The following PLCB1 variants were observed in gnomAD, a reference collection of about 807,000 sequenced individuals.
The protein encoded by PLCB1 is phospholipase C beta 1, also known as 1-phosphatidylinositol 4,5-bisphosphate phosphodiesterase beta-1.
PLCB1 carries 46 observed loss-of-function variants against 161.8 expected under a neutral mutation model. The ratio of observed to expected loss-of-function variants is 0.28; its 90% CI spans 0.22 to 0.36. The LOEUF (loss-of-function observed/expected upper bound fraction) is 0.36. Ranked by LOEUF, PLCB1 falls within the 10% of genes least tolerant of loss-of-function variation. PLCB1 has a pLI of 1.00. For missense variants in PLCB1, 1,016 were observed against 1,472.5 expected (o/e 0.69, Z 5.07); for synonymous variants, 517 against 503.7 (o/e 1.03, Z -0.35).
chr20:8,385,337 G>C (rs923780792), intron 3 of PLCB1, among the ~76,000 whole-genome samples: 2 of 152,200 alleles, frequency 1.3e-5, no homozygotes, highest in Non-Finnish European at 2.9e-5. Context: ...GTTGGGCTGT[G>C]GGGGAACCTC....
chr20:8,330,537 T>TTTTCACACCCAGCATTTTCACACCCAG (rs1192788774), intron 2 of PLCB1, among the ~76,000 whole-genome samples: 1 of 152,172 alleles, frequency 6.6e-6, no homozygotes, highest in African/African-American at 2.4e-5. Context: ...AGACGAGTGT[T>TTTTCACACCCAGCATTTTCACACCCAG]CATTTTTCAC....
chr20:8,139,887 T>C (rs770969041), intron 1 of PLCB1, among the ~76,000 whole-genome samples: 11 of 152,188 alleles, frequency 7.2e-5, no homozygotes, highest in Non-Finnish European at 1.2e-4. Context: ...TTGACGAACA[T>C]TCTTCTTGAA....
At chr20:8,823,997 A>G (rs1400455250) in intron 31 of PLCB1, among the ~76,000 whole-genome samples, 3 of 151,974 alleles carry the variant, frequency 2.0e-5, no homozygotes, top group South Asian at 4.2e-4. Flanking sequence ...GACACCCACT[A>G]TACTTCTCTC....
chr20:8,317,272 C>T (rs538033952), intron 2 of PLCB1, among the ~76,000 whole-genome samples: 65 of 152,120 alleles, frequency 4.3e-4, no homozygotes, highest in Non-Finnish European at 6.6e-4. Flanking sequence ...CATCAGATTC[C>T]CTTGGAGGGC....
intron 3 of PLCB1, among the ~76,000 whole-genome samples, chr20:8,444,350 C>T (rs951982634): frequency 6.6e-6 from 1 of 152,190 alleles, no homozygotes; most frequent in African/African-American, 2.4e-5. Context: ...ACCATAGCTT[C>T]ATCCATGTCC....
chr20:8,544,354 A>T (rs1985453307), intron 3 of PLCB1, among the ~76,000 whole-genome samples: 1 of 152,172 alleles, frequency 6.6e-6, no homozygotes, highest in African/African-American at 2.4e-5. Context: ...AACAGTGGAG[A>T]ATTCAAAGTG....
At chr20:8,442,504 G>A (rs530783542) in intron 3 of PLCB1, among the ~76,000 whole-genome samples, 240 of 152,190 alleles carry the variant, frequency 1.6e-3, no homozygotes, top group Non-Finnish European at 2.7e-3. Flanking sequence ...TATCACAATG[G>A]CCATTAAGTT....
At chr20:8,556,527 T>A (rs1985958053) in intron 3 of PLCB1, among the ~76,000 whole-genome samples, 1 of 151,996 alleles carries the variant, frequency 6.6e-6, no homozygotes, top group South Asian at 2.1e-4. Flanking sequence ...ATGCCCAGGA[T>A]AGGACCTATG....
chr20:8,633,361 A>G (rs1218849414), intron 4 of PLCB1, among the ~76,000 whole-genome samples: 1 of 152,144 alleles, frequency 6.6e-6, no homozygotes, highest in Admixed American at 6.5e-5. Context: ...TCAGTTTGAG[A>G]TTATTATTAA....
intron 3 of PLCB1, among the ~76,000 whole-genome samples, chr20:8,445,164 GT>G (rs1450647821): frequency 2.0e-5 from 3 of 152,126 alleles, no homozygotes; most frequent in African/African-American, 7.2e-5. Context: ...TTCTTCTAGG[GT>G]TTTTATGGTT....
intron 31 of PLCB1, among the ~76,000 whole-genome samples, chr20:8,878,458 G>A (rs1304650610): frequency 6.6e-6 from 1 of 152,194 alleles, no homozygotes; most frequent in South Asian, 2.1e-4. Flanking sequence ...ACTGGCAATT[G>A]TCTTCTTCCT....
Position 8,640,253 on chromosome 20 carries a change from G to C in PLCB1, c.385-5849G>C, listed in dbSNP as rs140851265. ...CAAGTAATGCAGTTTTAAGATTGTC[G>C]AACTGCTTTCATAATAAGCAGATAA... On this transcript the variant is annotated intron_variant, in intron 4 of 31. Coordinates refer to ENST00000338037, the MANE Select transcript of PLCB1 (RefSeq NM_015192.4). 2.0e-5 allele frequency among the ~76,000 whole-genome samples: 3 copies of C among 152,274 alleles called. No individual in the cohort carries two copies. The East Asian group carries it at 5.8e-4, about 29-fold the overall frequency.
chr20:8,742,405 C>A (rs1356977122), intron 23 of PLCB1, among the ~76,000 whole-genome samples: 1 of 151,992 alleles, frequency 6.6e-6, no homozygotes, highest in Non-Finnish European at 1.5e-5. Flanking sequence ...ATTAAATAGT[C>A]CATTTAAATA....
At chr20:8,857,480 G>C (rs1987107567) in intron 31 of PLCB1, among the ~76,000 whole-genome samples, 1 of 152,150 alleles carries the variant, frequency 6.6e-6, no homozygotes, top group African/African-American at 2.4e-5. Context: ...GTGATGTCCA[G>C]TTGATTGCTG....
intron 9 of PLCB1, among the ~76,000 whole-genome samples, chr20:8,681,168 C>T (rs570649300): frequency 4.8e-5 from 7 of 145,182 alleles, no homozygotes; most frequent in Admixed American, 2.1e-4. Flanking sequence ...CTGGCTTTGA[C>T]AACTTCCGGA....
Position 8,772,046 on chromosome 20 carries a change from A to ATTTT in PLCB1, c.2931-2474_2931-2471dup, listed in dbSNP as rs57175112. 1.8e-3 allele frequency among the ~76,000 whole-genome samples: 223 copies of ATTTT among 121,872 alleles called. 1 individual carries two copies. Among genetic ancestry groups the ATTTT allele is most frequent in the African/African-American group, 6.7e-3 (212 of 31,448 alleles). The allele number at this position is 121,872 out of a possible 152,430, so 80.0% of individuals were successfully genotyped here. The stretch of plus-strand genomic sequence containing the variant: ...AGTCGCATGCCACTAGGCCCGGTTA[A>ATTTT]TTTTTTTTTTTTTTTTTTTTTTAGA... On this transcript the variant is annotated intron_variant, in intron 26 of 31. Transcript: ENST00000338037.
chr20:8,149,702 T>G (rs1390193367), intron 1 of PLCB1, among the ~76,000 whole-genome samples: 1 of 152,172 alleles, frequency 6.6e-6, no homozygotes, highest in East Asian at 1.9e-4. Context: ...AATTACAATG[T>G]ATCCAAGTTT....
intron 2 of PLCB1, among the ~76,000 whole-genome samples, chr20:8,212,067 G>C (rs1978855440): frequency 6.6e-6 from 1 of 152,008 alleles, no homozygotes; most frequent in South Asian, 2.1e-4. Context: ...CAGGGACAAG[G>C]AACTTCTCCA....
rs561199883 is a variant in PLCB1, at chr20:8,313,123, A to AT, written c.178-58251dup. On this transcript the variant is annotated intron_variant, in intron 2 of 31. Transcript: ENST00000338037. ...TTTACTTAAAGCAAAAAGCACTAGCATTTTTTTTAATATAATGGGATGCAA... is the reference window on the plus strand; with the variant it reads ...TTTACTTAAAGCAAAAAGCACTAGCATTTTTTTTTAATATAATGGGATGCAA... Among the ~76,000 whole-genome samples the AT allele has an allele frequency of 1.9e-3, 291 of 152,188 alleles. 1 individual carries two copies. Among genetic ancestry groups the AT allele is most frequent in the African/African-American group, 6.5e-3 (271 of 41,516 alleles).
Sources: gnomAD v4.1 joint callset for allele counts (sites outside exome capture counted in the v4.1 genomes callset) on GRCh38, gnomAD v4.1.1 for gene constraint, MANE v1.5 for transcripts, NCBI Gene and HGNC (gene_info 2026-07-23, HGNC 2026-07-21) for gene names.